OMA1: variants seen among roughly 807,000 people sequenced by gnomAD.
OMA1 encodes the protein metalloendopeptidase OMA1, mitochondrial.
Under a neutral mutation model 30.9 loss-of-function variants are expected in OMA1, and 38 were observed. That is an observed-to-expected ratio of 1.23 (90% CI 0.95 to 1.61). OMA1 has a LOEUF of 1.61. OMA1 is among the 40% of genes most tolerant of loss of function. The pLI is 0.00. For missense variants in OMA1, 461 were observed against 349.2 expected, an observed-to-expected ratio of 1.32 and a Z score of -2.55; for synonymous variants, 173 against 121.9, an observed-to-expected ratio of 1.42 and a Z score of -2.76.
rs759531899 is a variant in OMA1, at chr1:58,530,660, T to C, written c.1081A>G (p.Ile361Val). Reference protein sequence around the residue: ...GMIFLTMIWAICPRDSLALLC... With the variant: ...GMIFLTMIWAVCPRDSLALLC... Reference sequence around the variant, plus strand: ...AGTGCCAAGCTATCTCGAGGACAAATGGCCCAAATCATTGTGAGGAAAATC... The same window carrying C: ...AGTGCCAAGCTATCTCGAGGACAAACGGCCCAAATCATTGTGAGGAAAATC... The change falls in exon 6 of 9, where the codon ATT becomes GTT. Residue 361 changes from isoleucine (I) to valine (V), a missense_variant. Coordinates refer to ENST00000371226, the MANE Select transcript of OMA1 (RefSeq NM_145243.5). 4 of 872,794 alleles carry C rather than the reference T, an allele frequency of 4.6e-6. No individual in the cohort carries two copies. Among genetic ancestry groups the C allele is most frequent in the Admixed American group, 1.7e-5 (1 of 59,188 alleles). 54.1% of individuals were successfully genotyped at this position (872,794 alleles called of 1,614,324 possible).
At position 58,527,266 on chromosome 1, in the gene OMA1, C is replaced by T; in HGVS notation, c.1210G>A (p.Ala404Thr). ...EADKIGLLLA[A>T]KACADIRASS... is the part of the protein sequence containing the mutation. ...TCAACTACTAAACACTTTACCTTTG[C>T]AGCAAGCAGTAGTCCAATTTTGTCA... Residue 404 changes from alanine to threonine, a missense_variant, in exon 7 of 9, where the codon GCA becomes ACA. Coordinates refer to ENST00000371226, the MANE Select transcript of OMA1 (RefSeq NM_145243.5). The T allele has an allele frequency of 1.1e-6, 1 of 872,272 alleles. No homozygotes were observed. The highest frequency in any genetic ancestry group is 2.0e-6 in the Non-Finnish European group (1 of 501,210). 54.0% of individuals were successfully genotyped at this position (872,272 alleles called of 1,614,324 possible). A position where few individuals can be genotyped will look rare whatever the true frequency, so the allele number is the denominator to read the frequency against.
intron 8 of OMA1, among the ~76,000 whole-genome samples, chr1:58,495,637 T>C (rs1238251751): frequency 6.6e-6 from 1 of 152,070 alleles, no homozygotes; most frequent in South Asian, 2.1e-4. Context: ...AAGAGCACTG[T>C]TGCAACCAAG....
At chr1:58,489,790 C>A (rs1156861745) in intron 8 of OMA1, among the ~76,000 whole-genome samples, 1 of 152,176 alleles carries the variant, frequency 6.6e-6, no homozygotes, top group Non-Finnish European at 1.5e-5. Flanking sequence ...TCACCAATAT[C>A]CGCTGTTCTG....
At chr1:58,504,985 C>T (rs557479354) in intron 8 of OMA1, among the ~76,000 whole-genome samples, 77 of 151,962 alleles carry the variant, frequency 5.1e-4, no homozygotes, top group African/African-American at 1.7e-3. Flanking sequence ...GACAGAGTCT[C>T]ACCCTGTCGC....
At chr1:58,509,529 C>A (rs1569917189) in intron 7 of OMA1, among the ~76,000 whole-genome samples, 2 of 136,592 alleles carry the variant, frequency 1.5e-5, no homozygotes, top group African/African-American at 2.7e-5. Flanking sequence ...ATGATAAACA[C>A]CTACATTAAA....
intron 8 of OMA1, among the ~76,000 whole-genome samples, chr1:58,499,233 C>T (rs1442783879): frequency 7.4e-6 from 1 of 135,478 alleles, no homozygotes; most frequent in Non-Finnish European, 1.5e-5. Context: ...GGCTGGGGAT[C>T]GGGGAGTAGG....
At chr1:58,490,997 C>T (rs1485959357) in intron 8 of OMA1, among the ~76,000 whole-genome samples, 3 of 151,278 alleles carry the variant, frequency 2.0e-5, no homozygotes, top group Admixed American at 2.0e-4. Flanking sequence ...TTAGTAGAGA[C>T]GGGGTTTCAC....
At chr1:58,487,348 A>G (rs535100194) in intron 8 of OMA1, among the ~76,000 whole-genome samples, 1 of 152,244 alleles carries the variant, frequency 6.6e-6, no homozygotes, top group Non-Finnish European at 1.5e-5. Flanking sequence ...ATTTGAGGAT[A>G]ATTAACTTGC....
At chr1:58,539,400 GTTC>G in intron 1 of OMA1, 90 bp from the exon 2 acceptor site, 1 of 653,570 alleles carries the variant, frequency 1.5e-6, no homozygotes, top group Admixed American at 3.1e-5. Flanking sequence ...CGTGTCAGTT[GTTC>G]TTCTAACACA....
At chr1:58,545,224 A>G (rs558508443) in intron 1 of OMA1, among the ~76,000 whole-genome samples, 102 of 152,354 alleles carry the variant, frequency 6.7e-4, no homozygotes, top group African/African-American at 2.4e-3. Flanking sequence ...CACACTGCTT[A>G]GCTCTGCACA....
intron 8 of OMA1, among the ~76,000 whole-genome samples, chr1:58,486,101 TGA>T (rs1645572044): frequency 6.6e-6 from 1 of 152,172 alleles, no homozygotes; most frequent in Admixed American, 6.5e-5. Flanking sequence ...ACATCTAAAT[TGA>T]CATTGGAATT....
At chr1:58,486,466 A>G (rs1433480068) in intron 8 of OMA1, among the ~76,000 whole-genome samples, 1 of 152,146 alleles carries the variant, frequency 6.6e-6, no homozygotes, top group East Asian at 1.9e-4. Flanking sequence ...GGACTGTTCA[A>G]TTCTACTGCC....
In OMA1 at chr1:58,530,490, C is replaced by A. The variant is rs186925284; in HGVS notation, c.1140+111G>T. On this transcript the variant is annotated intron_variant, in intron 6 of 8. Coordinates refer to ENST00000371226, the MANE Select transcript of OMA1 (RefSeq NM_145243.5). ...AACATAAGACACTAAAAATTCGTAC[C>A]CATATTTCATAGTAAAATGTAAAAA... is the stretch of plus-strand genomic sequence containing the variant. The A allele has an allele frequency of 1.5e-3, 944 of 643,912 alleles. 1 individual carries two copies. The highest frequency in any genetic ancestry group is 2.2e-3 in the Non-Finnish European group (836 of 372,150). The allele number at this position is 643,912 out of a possible 1,614,324, so 39.9% of individuals were successfully genotyped here.
Position 58,536,513 on chromosome 1 carries a change from T to C in OMA1, c.729A>G (p.Ala243=), listed in dbSNP as rs1260629378. The part of the protein sequence containing the change: ...FRLLSELEYE[A]WMEEFKNDML... The stretch of plus-strand genomic sequence containing the variant: ...ATTAAAAACAACTCTTACTACTTAC[T>C]GCTTCATATTCCAGTTCCGATAAAA... The change falls in exon 3 of 9, where the codon GCA becomes GCG. Residue 243 remains alanine, a splice_region_variant and synonymous_variant. Transcript: ENST00000371226. The C allele has an allele frequency of 5.7e-6, 5 of 870,530 alleles. No individual in the cohort carries two copies. The South Asian group carries it at 6.5e-5, about 11-fold the overall frequency. 53.9% of individuals were successfully genotyped at this position (870,530 alleles called of 1,614,324 possible). A position where few individuals can be genotyped will look rare whatever the true frequency, so the allele number is the denominator to read the frequency against.
At chr1:58,485,228 TAAAAAAAA>T (rs71043289) in intron 8 of OMA1, among the ~76,000 whole-genome samples, 1 of 42,036 alleles carries the variant, frequency 2.4e-5, no homozygotes, top group Non-Finnish European at 4.1e-5. Flanking sequence ...AGTCTACTAC[TAAAAAAAA>T]AAAAAAAAAA....
chr1:58,528,948 A>T (rs1318877572), intron 6 of OMA1, among the ~76,000 whole-genome samples: 1 of 152,216 alleles, frequency 6.6e-6, no homozygotes, highest in Non-Finnish European at 1.5e-5. Flanking sequence ...TCAAGAAAGA[A>T]ATAGATAAAT....
In OMA1 at chr1:58,536,635, C is replaced by T. The variant is rs750256913; in HGVS notation, c.607G>A (p.Gly203Arg). 3 of 872,768 alleles carry T rather than the reference C, an allele frequency of 3.4e-6. No homozygotes were observed. In the South Asian group the frequency reaches 3.9e-5, roughly 11 times the overall value. The allele number at this position is 872,768 out of a possible 1,614,324, so 54.1% of individuals were successfully genotyped here. The change falls in exon 3 of 9, where the codon GGA (glycine) becomes AGA (arginine). Residue 203 changes from glycine (G) to arginine (R), a missense_variant. By Grantham distance (125) the Gly-to-Arg change is moderately radical. Coordinates refer to ENST00000371226, the MANE Select transcript of OMA1 (RefSeq NM_145243.5). Reference protein sequence around the residue: ...WKLFLGLSSFGLLFVVFYFTH... With the variant: ...WKLFLGLSSFRLLFVVFYFTH... ...AAATAAAACACCACAAAGAGCAATCCAAAACTACTCAAACCAAGGAATAGC... is the reference window on the plus strand; with the variant it reads ...AAATAAAACACCACAAAGAGCAATCTAAAACTACTCAAACCAAGGAATAGC...
intron 7 of OMA1, among the ~76,000 whole-genome samples, chr1:58,522,557 C>A (rs1235027963): frequency 6.6e-6 from 1 of 151,986 alleles, no homozygotes. Context: ...TTGGCTATTG[C>A]AATAAAGCAA....
At chr1:58,532,834 T>A (rs1357125833) in intron 5 of OMA1, among the ~76,000 whole-genome samples, 1 of 152,194 alleles carries the variant, frequency 6.6e-6, no homozygotes, top group East Asian at 1.9e-4. Context: ...TCAAGAAAAA[T>A]GTTTTTAAAA....
Sources: allele counts gnomAD v4.1 joint callset (sites outside exome capture counted in the v4.1 genomes callset), GRCh38; gene constraint gnomAD v4.1.1; transcripts MANE v1.5; gene names NCBI Gene and HGNC (gene_info 2026-07-23, HGNC 2026-07-21).